SEMA3E: variants seen among roughly 807,000 people sequenced by gnomAD.
SEMA3E encodes semaphorin-3E.
A neutral mutation model predicts 93.6 loss-of-function variants in SEMA3E; 49 were observed. The ratio of observed to expected loss-of-function variants is 0.52; its 90% CI spans 0.42 to 0.66. The LOEUF (loss-of-function observed/expected upper bound fraction) is 0.66, where lower values mean the gene tolerates loss of function less well. Among genes scored for constraint, SEMA3E ranks in the 30% least tolerant of loss-of-function variants. The pLI is 0.00. For synonymous variants in SEMA3E, 363 were observed against 330.7 expected (o/e 1.10, Z -1.06); for missense variants, 906 against 964.8 (o/e 0.94, Z 0.81).
At chr7:83,644,983 C>G (rs1172966210) in intron 1 of SEMA3E, among the ~76,000 whole-genome samples, 1 of 151,922 alleles carries the variant, frequency 6.6e-6, no homozygotes. Flanking sequence ...AAACACCTAC[C>G]CCTGTCTGCC....
At chr7:83,583,725 A>T (rs978902142) in intron 1 of SEMA3E, among the ~76,000 whole-genome samples, 5 of 152,206 alleles carry the variant, frequency 3.3e-5, no homozygotes, top group Non-Finnish European at 7.3e-5. Flanking sequence ...TTCATGTGAT[A>T]TGTTAAAGAA....
At chr7:83,551,123 C>G (rs1422964270) in intron 1 of SEMA3E, among the ~76,000 whole-genome samples, 3 of 152,074 alleles carry the variant, frequency 2.0e-5, no homozygotes, top group Admixed American at 6.6e-5. Context: ...GTGGCATTAT[C>G]TAAACATTCA....
intron 1 of SEMA3E, among the ~76,000 whole-genome samples, chr7:83,491,521 TA>T (rs1790383893): frequency 6.6e-6 from 1 of 152,036 alleles, no homozygotes; most frequent in South Asian, 2.1e-4. Context: ...CTTATAAAGG[TA>T]AAACTTTCTC....
Position 83,469,223 on chromosome 7 carries a change from T to C in SEMA3E, c.336+20A>G, listed in dbSNP as rs749353049. On this transcript the variant is annotated intron_variant, in intron 3 of 16. Coordinates refer to ENST00000643230, the MANE Select transcript of SEMA3E (RefSeq NM_012431.3). The stretch of plus-strand genomic sequence containing the variant: ...GGATATAATTGATGATTTGTTTAAT[T>C]TACAATGAATCATACTTACCGCATC... The C allele has an allele frequency of 1.3e-6, 2 of 1,580,100 alleles. No individual in the cohort carries two copies. The highest frequency in any genetic ancestry group is 1.7e-6 in the Non-Finnish European group (2 of 1,149,720).
chr7:83,492,292 T>C (rs539650126), intron 1 of SEMA3E, among the ~76,000 whole-genome samples: 5 of 152,082 alleles, frequency 3.3e-5, no homozygotes, highest in African/African-American at 1.2e-4. Flanking sequence ...AAGGAGGTAC[T>C]CCATGAGTGA....
chr7:83,464,296 C>T (rs534742396), intron 4 of SEMA3E, among the ~76,000 whole-genome samples: 3,390 of 151,720 alleles, frequency 0.022, 82 homozygotes, highest in African/African-American at 0.058. Flanking sequence ...CAGGGTACAG[C>T]CCATTTAAGC....
chr7:83,368,720 A>C (rs1406098702), intron 16 of SEMA3E, among the ~76,000 whole-genome samples: 1 of 152,210 alleles, frequency 6.6e-6, no homozygotes, highest in Admixed American at 6.5e-5. Flanking sequence ...CAGTGCTCAA[A>C]TATCTTTTGT....
rs186212353 is a variant in SEMA3E, at chr7:83,385,480, G to A, written c.1736-47C>T. ...CATCTTTGAGACTTAGATTTTATAG[G>A]TAAATAAATTTTTCAAACATTATTT... On this transcript the variant is annotated intron_variant, in intron 15 of 16. Coordinates refer to ENST00000643230, the MANE Select transcript of SEMA3E (RefSeq NM_012431.3). 1.2e-4 allele frequency: 186 copies of A among 1,593,524 alleles called. 1 individual carries two copies. In the East Asian group the frequency reaches 1.9e-3, roughly 17 times the overall value.
At chr7:83,390,054 C>CACATATATACGCGTGT (rs1787977993) in intron 14 of SEMA3E, among the ~76,000 whole-genome samples, 1 of 27,982 alleles carries the variant, frequency 3.6e-5, no homozygotes, top group Non-Finnish European at 9.7e-5. Flanking sequence ...TGCGCGTATA[C>CACATATATACGCGTGT]GTGTGCACAT....
chr7:83,535,153 T>C (rs993438033), intron 1 of SEMA3E, among the ~76,000 whole-genome samples: 17 of 152,226 alleles, frequency 1.1e-4, no homozygotes, highest in African/African-American at 4.1e-4. Context: ...CTGGAATTTT[T>C]AACTTCCTAT....
At chr7:83,387,968 T>C (rs992722002) in intron 14 of SEMA3E, among the ~76,000 whole-genome samples, 1 of 146,600 alleles carries the variant, frequency 6.8e-6, no homozygotes. Context: ...TATGTATATG[T>C]AATTCAAGAA....
At chr7:83,551,969 T>G (rs1332004328) in intron 1 of SEMA3E, among the ~76,000 whole-genome samples, 1 of 152,178 alleles carries the variant, frequency 6.6e-6, no homozygotes, top group Admixed American at 6.5e-5. Flanking sequence ...ATATTTTATA[T>G]TAGACATATT....
intron 1 of SEMA3E, among the ~76,000 whole-genome samples, chr7:83,634,170 G>T (rs764239661): frequency 3.3e-5 from 5 of 151,982 alleles, no homozygotes; most frequent in Admixed American, 1.3e-4. Flanking sequence ...TGTCTAATAC[G>T]CATAATATTA....
At chr7:83,499,787 T>C (rs1331254914) in intron 1 of SEMA3E, among the ~76,000 whole-genome samples, 2 of 152,216 alleles carry the variant, frequency 1.3e-5, no homozygotes, top group African/African-American at 4.8e-5. Flanking sequence ...ATTTAACAAT[T>C]AACAGCTTAT....
At chr7:83,617,458 TA>T in intron 1 of SEMA3E, among the ~76,000 whole-genome samples, 2 of 30,202 alleles carry the variant, frequency 6.6e-5, no homozygotes, top group African/African-American at 3.9e-4. Flanking sequence ...TTTATATAAA[TA>T]ATATATAATT....
At chr7:83,615,331 A>G (rs1793342313) in intron 1 of SEMA3E, among the ~76,000 whole-genome samples, 1 of 152,154 alleles carries the variant, frequency 6.6e-6, no homozygotes, top group Non-Finnish European at 1.5e-5. Flanking sequence ...CGTTCAATTC[A>G]TATGAGATTT....
chr7:83,584,135 A>T (rs144290661), intron 1 of SEMA3E, among the ~76,000 whole-genome samples: 3 of 152,342 alleles, frequency 2.0e-5, no homozygotes, highest in African/African-American at 7.2e-5. Flanking sequence ...GATTACAATC[A>T]AAGAAAATTA....
chr7:83,545,552 G>GGAAAA (rs376829083), intron 1 of SEMA3E, among the ~76,000 whole-genome samples: 4 of 86,470 alleles, frequency 4.6e-5, no homozygotes, highest in African/African-American at 1.0e-4. Context: ...GAAGAGAAAT[G>GGAAAA]AAAAAAAAAA....
intron 1 of SEMA3E, among the ~76,000 whole-genome samples, chr7:83,517,613 T>G (rs1197613749): frequency 6.6e-6 from 1 of 152,078 alleles, no homozygotes; most frequent in African/African-American, 2.4e-5. Flanking sequence ...ACCTTTATTA[T>G]GTAGAATGGA....
Sources: gnomAD v4.1 joint callset for allele counts (sites outside exome capture counted in the v4.1 genomes callset) on GRCh38, gnomAD v4.1.1 for gene constraint, MANE v1.5 for transcripts, NCBI Gene and HGNC (gene_info 2026-07-23, HGNC 2026-07-21) for gene names.